Variants in PCTP observed in about 807,000 individuals in gnomAD.
The protein encoded by PCTP is phosphatidylcholine transfer protein, also known as START domain-containing protein 2.
A neutral mutation model predicts 31.0 loss-of-function variants in PCTP; 27 were observed. That is an observed-to-expected ratio of 0.87 (90% CI 0.64 to 1.20). The LOEUF is 1.20. Among genes scored for constraint, PCTP ranks in the 50% most tolerant of loss-of-function variants. PCTP has a pLI of 0.00. For synonymous variants in PCTP, 108 were observed against 101.2 expected, an observed-to-expected ratio of 1.07 and a Z score of -0.40; for missense variants, 287 against 268.2, an observed-to-expected ratio of 1.07 and a Z score of -0.49.
intron 1 of PCTP, among the ~76,000 whole-genome samples, chr17:55,760,064 G>T (rs1378404866): frequency 6.6e-6 from 1 of 152,086 alleles, no homozygotes; most frequent in Admixed American, 6.6e-5. Flanking sequence ...CGACAAGTTA[G>T]CCAGCACGAT....
At chr17:55,829,107 T>C (rs185837501) in intron 5 of PCTP, among the ~76,000 whole-genome samples, 2 of 151,942 alleles carry the variant, frequency 1.3e-5, no homozygotes, top group East Asian at 3.9e-4. Context: ...CAAGATGAGA[T>C]TGATAGTTAA....
intron 3 of PCTP, among the ~76,000 whole-genome samples, chr17:55,809,397 G>A (rs1180426712): frequency 6.6e-6 from 1 of 152,132 alleles, no homozygotes; most frequent in Non-Finnish European, 1.5e-5. Context: ...GATAGGGAGG[G>A]ATGCTTAGAA....
chr17:55,842,923 G>C (rs1218818136), downstream of PCTP: 1 of 152,154 alleles, frequency 6.6e-6, no homozygotes, highest in Non-Finnish European at 1.5e-5. Context: ...AAGCACATGT[G>C]GTGTGACGGT....
intron 3 of PCTP, among the ~76,000 whole-genome samples, chr17:55,796,438 G>C (rs1045630587): frequency 3.3e-5 from 5 of 151,944 alleles, no homozygotes; most frequent in South Asian, 2.1e-4. Flanking sequence ...TTGGAGTACT[G>C]TTTTGAGAAC....
chr17:55,788,213 A>G (rs1472572117), intron 3 of PCTP, among the ~76,000 whole-genome samples: 1 of 152,200 alleles, frequency 6.6e-6, no homozygotes, highest in East Asian at 1.9e-4. Context: ...GATTTGTACC[A>G]TGCTAACTTT....
intron 1 of PCTP, among the ~76,000 whole-genome samples, chr17:55,756,911 T>G (rs1251088165): frequency 6.6e-6 from 1 of 152,084 alleles, no homozygotes; most frequent in Admixed American, 6.5e-5. Flanking sequence ...GATATGAGAT[T>G]GAAGAGTGGC....
At chr17:55,770,966 T>G in intron 2 of PCTP, 140 bp from the exon 3 acceptor site, 1 of 645,738 alleles carries the variant, frequency 1.5e-6, no homozygotes, top group Non-Finnish European at 2.8e-6. Flanking sequence ...CTCCTGGACT[T>G]GAGCAATTGA....
intron 3 of PCTP, among the ~76,000 whole-genome samples, chr17:55,821,199 T>A (rs1249218850): frequency 2.0e-5 from 3 of 152,230 alleles, no homozygotes; most frequent in Non-Finnish European, 4.4e-5. Context: ...CAATGAAATA[T>A]TATTTGGCAA....
chr17:55,778,210 CA>C (rs57503627), downstream of PCTP, among the ~76,000 whole-genome samples: 12,572 of 111,510 alleles, frequency 0.11, 1,429 homozygotes, highest in African/African-American at 0.3. Flanking sequence ...GTGCCAAAGT[CA>C]AAAAAAAAAA....
chr17:55,832,000 G>A lies in PCTP; in HGVS notation n.505+9073G>A, dbSNP rs373786940. Among the ~76,000 whole-genome samples, 22 of 152,230 alleles carry A rather than the reference G, an allele frequency of 1.4e-4. 1 individual carries two copies. Among genetic ancestry groups the A allele is most frequent in the Admixed American group, 1.0e-3 (16 of 15,290 alleles). On this transcript the variant is annotated intron_variant and non_coding_transcript_variant, in intron 5 of 5. Transcript: ENST00000576221. ...TGAGGCAAGAGAATGGCATGAACCC[G>A]GGAGGCAGAGCTTGCAGCGAGCCGA...
At chr17:55,834,790 A>T (rs1194937924) in intron 5 of PCTP, among the ~76,000 whole-genome samples, 1 of 152,174 alleles carries the variant, frequency 6.6e-6, no homozygotes, top group Non-Finnish European at 1.5e-5. Context: ...GGGCAGAGGG[A>T]TGCAAAAGAA....
At chr17:55,793,661 C>T (rs981287585) in intron 3 of PCTP, among the ~76,000 whole-genome samples, 1 of 152,042 alleles carries the variant, frequency 6.6e-6, no homozygotes, top group East Asian at 1.9e-4. Flanking sequence ...ACCTGAAACA[C>T]GATAGTTGCT....
At chr17:55,795,066 C>G (rs1459231026) in intron 3 of PCTP, among the ~76,000 whole-genome samples, 1 of 151,844 alleles carries the variant, frequency 6.6e-6, no homozygotes, top group Non-Finnish European at 1.5e-5. Flanking sequence ...ACACACTAAC[C>G]CTCCTCTTTT....
intron 3 of PCTP, among the ~76,000 whole-genome samples, chr17:55,794,093 T>G (rs9889572): frequency 0.042 from 6,436 of 152,120 alleles, 443 homozygotes; most frequent in African/African-American, 0.14. Context: ...TTAAAAAATA[T>G]TTTCAATTGC....
At chr17:55,780,806 C>T (rs1465693725), downstream of PCTP, among the ~76,000 whole-genome samples, 1 of 152,178 alleles carries the variant, frequency 6.6e-6, no homozygotes, top group Non-Finnish European at 1.5e-5. Flanking sequence ...ATATGTGCCA[C>T]TTCCAGCTCA....
At chr17:55,831,800 G>A (rs1055721157) in intron 5 of PCTP, among the ~76,000 whole-genome samples, 6 of 152,120 alleles carry the variant, frequency 3.9e-5, no homozygotes, top group South Asian at 4.1e-4. Flanking sequence ...AGAAACACCC[G>A]GCTGGACGTG....
At chr17:55,775,385 C>T in intron 5 of PCTP, 1 of 1,232,090 alleles carries the variant, frequency 8.1e-7, no homozygotes, top group East Asian at 3.2e-5. Flanking sequence ...CATCAGCCTG[C>T]TTTGCACAAG....
At chr17:55,817,091 A>C (rs1378712756) in intron 3 of PCTP, among the ~76,000 whole-genome samples, 1 of 152,210 alleles carries the variant, frequency 6.6e-6, no homozygotes, top group Non-Finnish European at 1.5e-5. Flanking sequence ...ATTTCTTAAA[A>C]CCACATTTTG....
intron 3 of PCTP, among the ~76,000 whole-genome samples, chr17:55,788,426 T>A (rs923497759): frequency 6.6e-6 from 1 of 152,196 alleles, no homozygotes; most frequent in Non-Finnish European, 1.5e-5. Flanking sequence ...AACCCCATAT[T>A]TACTTATGGG....
Sources: gnomAD v4.1 joint callset for allele counts (sites outside exome capture counted in the v4.1 genomes callset) on GRCh38, gnomAD v4.1.1 for gene constraint, MANE v1.5 for transcripts, NCBI Gene and HGNC (gene_info 2026-07-23, HGNC 2026-07-21) for gene names.